GTF2IRD1: variants seen among roughly 807,000 people sequenced by gnomAD.
The protein encoded by GTF2IRD1 is GTF2I repeat domain containing 1.
Under a neutral mutation model 113.2 loss-of-function variants are expected in GTF2IRD1, and 26 were observed. The observed-to-expected ratio is 0.23, with a 90% confidence interval of 0.17 to 0.32. The LOEUF is 0.32. Ranked by LOEUF, GTF2IRD1 falls within the 10% of genes least tolerant of loss-of-function variation. The pLI, the probability that GTF2IRD1 is intolerant of heterozygous loss-of-function variation, is 1.00. For synonymous variants in GTF2IRD1, 484 were observed against 529.1 expected (o/e 0.91, Z 1.17); for missense variants, 864 against 1,280.8 (o/e 0.67, Z 4.97).
At chr7:74,522,730 G>C (rs1259513070) in intron 7 of GTF2IRD1, among the ~76,000 whole-genome samples, 1 of 152,092 alleles carries the variant, frequency 6.6e-6, no homozygotes, top group Non-Finnish European at 1.5e-5. Context: ...AATCTCACTG[G>C]GTTATCACAA....
intron 14 of GTF2IRD1, 117 bp from the exon 15 acceptor site, chr7:74,544,638 T>A: frequency 1.1e-6 from 1 of 870,402 alleles, no homozygotes; most frequent in Non-Finnish European, 1.9e-6. Flanking sequence ...GTGGGTGCCA[T>A]GCTTCAGAGT....
chr7:74,491,213 C>A (rs556899617), intron 1 of GTF2IRD1, among the ~76,000 whole-genome samples: 2 of 150,790 alleles, frequency 1.3e-5, no homozygotes, highest in Admixed American at 1.3e-4. Flanking sequence ...GGCTGAGGCA[C>A]GAGAATCGCC....
chr7:74,459,003 C>T (rs782563494), intron 1 of GTF2IRD1, among the ~76,000 whole-genome samples: 3 of 152,090 alleles, frequency 2.0e-5, no homozygotes, highest in African/African-American at 4.8e-5. Context: ...GCTCTCTCTC[C>T]ACTCGTCCTG....
intron 22 of GTF2IRD1, among the ~76,000 whole-genome samples, chr7:74,563,064 T>C (rs1800076323): frequency 6.6e-6 from 1 of 152,160 alleles, no homozygotes; most frequent in Non-Finnish European, 1.5e-5. Flanking sequence ...GAGCTTGCAC[T>C]AGGGCCTGGA....
chr7:74,489,248 A>G (rs1411474548), intron 1 of GTF2IRD1, among the ~76,000 whole-genome samples: 5 of 152,172 alleles, frequency 3.3e-5, no homozygotes, highest in Admixed American at 1.3e-4. Flanking sequence ...CCATCCTCAG[A>G]TACCCTCACC....
At chr7:74,499,664 A>G (rs534179680) in intron 1 of GTF2IRD1, among the ~76,000 whole-genome samples, 1 of 152,308 alleles carries the variant, frequency 6.6e-6, no homozygotes, top group South Asian at 2.1e-4. Context: ...ATGAATGCAC[A>G]CACCAAGAAA....
rs587675344 is a variant in GTF2IRD1 at position 74,597,232 on chromosome 7, C to CG, written c.2629+2185dup. ...TATTTTTTTGTATTTTTAGTAGAGA[C>CG]GGGGTTTCTCCATATTGGCCAGGCT... On this transcript the variant is annotated intron_variant, in intron 25 of 26. Transcript: ENST00000424337. 1.7e-4 allele frequency among the ~76,000 whole-genome samples: 25 copies of CG among 151,418 alleles called. 1 individual carries two copies. The South Asian group carries it at 4.8e-3, about 29-fold the overall frequency.
intron 4 of GTF2IRD1, 134 bp from the exon 5 acceptor site, chr7:74,518,005 G>A (rs2130237139): frequency 1.8e-6 from 1 of 547,836 alleles, no homozygotes; most frequent in Non-Finnish European, 3.2e-6. Flanking sequence ...AAAGTCTGCA[G>A]TTATGAGGGG....
At chr7:74,539,748 CAA>C (rs879998108) in intron 13 of GTF2IRD1, 129 bp from the exon 14 acceptor site, 1,703 of 498,400 alleles carry the variant, frequency 3.4e-3, no homozygotes, top group South Asian at 4.1e-3. Flanking sequence ...CATCTCAAAC[CAA>C]AAAAAAAAAA....
intron 22 of GTF2IRD1, among the ~76,000 whole-genome samples, chr7:74,585,497 C>T (rs1234308871): frequency 6.6e-5 from 10 of 152,192 alleles, no homozygotes; most frequent in South Asian, 4.2e-4. Flanking sequence ...CGCTCTGTCC[C>T]GACACAGGAG....
chr7:74,601,311 G>C, intron 26 of GTF2IRD1, 131 bp downstream of exon 26: 1 of 1,542,510 alleles, frequency 6.5e-7, no homozygotes, highest in Non-Finnish European at 8.7e-7. Flanking sequence ...GGGACCTTCC[G>C]GCCTCGGGGG....
intron 26 of GTF2IRD1, 99 bp from the exon 27 acceptor site, chr7:74,602,266 T>C (rs1307416780): frequency 7.7e-6 from 11 of 1,424,918 alleles, no homozygotes; most frequent in Admixed American, 2.4e-5. Flanking sequence ...TATAAATAAA[T>C]AGCCTCTGAG....
intron 1 of GTF2IRD1, among the ~76,000 whole-genome samples, chr7:74,489,369 G>A (rs1477108650): frequency 6.6e-6 from 1 of 151,936 alleles, no homozygotes; most frequent in Non-Finnish European, 1.5e-5. Context: ...TTGAGACGGA[G>A]TCTTGCTCTG....
chr7:74,549,622 C>G (rs1166863305), intron 17 of GTF2IRD1, among the ~76,000 whole-genome samples: 2 of 152,218 alleles, frequency 1.3e-5, no homozygotes, highest in South Asian at 2.1e-4. Context: ...CAGCCACATG[C>G]CCGGTGTGTC....
chr7:74,538,600 C>A (rs1798441919), intron 12 of GTF2IRD1, 80 bp from the exon 13 acceptor site: 1 of 880,004 alleles, frequency 1.1e-6, no homozygotes, highest in East Asian at 2.4e-5. Context: ...GTTACAGACA[C>A]CAGAATGTTC....
At chr7:74,589,070 G>T (rs1490176203) in intron 22 of GTF2IRD1, among the ~76,000 whole-genome samples, 4 of 152,116 alleles carry the variant, frequency 2.6e-5, no homozygotes, top group African/African-American at 9.6e-5. Context: ...AAAAATGTGG[G>T]ATGGGCTGGC....
chr7:74,463,663 G>T (rs1793525386), intron 1 of GTF2IRD1, among the ~76,000 whole-genome samples: 1 of 152,104 alleles, frequency 6.6e-6, no homozygotes, highest in Non-Finnish European at 1.5e-5. Context: ...AGCGGGTGGT[G>T]GGGACATGTG....
intron 22 of GTF2IRD1, among the ~76,000 whole-genome samples, chr7:74,578,763 C>T (rs1447065942): frequency 1.3e-5 from 2 of 152,080 alleles, no homozygotes; most frequent in African/African-American, 4.8e-5. Flanking sequence ...TGGCAGGCCA[C>T]GACGGGAGGA....
chr7:74,547,337 A>C (rs1554353626), intron 17 of GTF2IRD1, 51 bp downstream of exon 17: 1 of 1,419,708 alleles, frequency 7.0e-7, no homozygotes, highest in Non-Finnish European at 9.7e-7. Context: ...GCTCAGCACC[A>C]AGGGGCAGGA....
Sources: gnomAD v4.1 joint callset for allele counts (sites outside exome capture counted in the v4.1 genomes callset) on GRCh38, gnomAD v4.1.1 for gene constraint, MANE v1.5 for transcripts, NCBI Gene and HGNC (gene_info 2026-07-23, HGNC 2026-07-21) for gene names.